The following ATP2B2 variants were observed in gnomAD, a reference collection of about 807,000 sequenced individuals.
ATP2B2 encodes plasma membrane calcium-transporting ATPase 2.
Under a neutral mutation model 120.0 loss-of-function variants are expected in ATP2B2, and 15 were observed. The observed-to-expected ratio is 0.12, with a 90% CI of 0.08 to 0.19. The LOEUF is 0.19. Ranked by LOEUF, ATP2B2 falls within the 10% of genes least tolerant of loss-of-function variation. The pLI is 1.00. For synonymous variants in ATP2B2, 694 were observed against 700.3 expected (o/e 0.99, Z 0.14); for missense variants, 1,045 against 1,719.8 (o/e 0.61, Z 6.94).
At chr3:10,672,923 G>A (rs1447178943) in intron 1 of ATP2B2, among the ~76,000 whole-genome samples, 1 of 152,172 alleles carries the variant, frequency 6.6e-6, no homozygotes, top group African/African-American at 2.4e-5. Context: ...GGGAAAGGAT[G>A]CTCCCAGAAC....
At chr3:10,541,267 C>T (rs1472319233) in intron 2 of ATP2B2, among the ~76,000 whole-genome samples, 1 of 152,020 alleles carries the variant, frequency 6.6e-6, no homozygotes, top group Admixed American at 6.6e-5. Context: ...TCAACTTTAT[C>T]GATTTCTACT....
chr3:10,628,755 A>G (rs545103226), intron 1 of ATP2B2, among the ~76,000 whole-genome samples: 3 of 152,326 alleles, frequency 2.0e-5, no homozygotes, highest in Middle Eastern at 3.4e-3. Context: ...GACTGTGGTT[A>G]TACAGTTGAT....
intron 2 of ATP2B2, among the ~76,000 whole-genome samples, chr3:10,611,878 A>T (rs1207273427): frequency 1.3e-5 from 2 of 152,164 alleles, no homozygotes; most frequent in Non-Finnish European, 2.9e-5. Flanking sequence ...AGGAGAATGC[A>T]TTTCAGGGGC....
In ATP2B2 at chr3:10,375,420, C is replaced by T. The variant is rs1311207892; in HGVS notation, c.1416+10G>A. On this transcript the variant is annotated intron_variant, in intron 11 of 22. Transcript: ENST00000360273. The surrounding 1 kb of genome is among the most constrained non-coding windows in gnomAD (Gnocchi z 4.2). ...ATCAGCCGGCTGGTCCTGCTCTCCTCCCCTCTCACCTTCACCGAATAGGCC... is the reference window on the plus strand; with the variant it reads ...ATCAGCCGGCTGGTCCTGCTCTCCTTCCCTCTCACCTTCACCGAATAGGCC... The T allele has an allele frequency of 5.6e-6, 9 of 1,608,104 alleles. No individual in the cohort carries two copies. In the East Asian group the frequency reaches 1.3e-4, roughly 24 times the overall value.
intron 1 of ATP2B2, among the ~76,000 whole-genome samples, chr3:10,704,846 A>G (rs896050175): frequency 2.6e-5 from 4 of 152,228 alleles, no homozygotes; most frequent in African/African-American, 7.2e-5. Flanking sequence ...GGGGAGATAC[A>G]AAGAAGATGG....
At position 10,392,276 on chromosome 3, in the gene ATP2B2, A is replaced by G. The variant is rs1253171401; in HGVS notation, c.782-3874T>C. Among the ~76,000 whole-genome samples, 6 of 152,138 alleles carry G rather than the reference A, an allele frequency of 3.9e-5. No homozygotes were observed. In the South Asian group the frequency reaches 1.0e-3, roughly 26 times the overall value. On this transcript the variant is annotated intron_variant, in intron 5 of 22. Coordinates refer to ENST00000360273, the MANE Select transcript of ATP2B2 (RefSeq NM_001001331.4). ...ATTACATTTATAATTGGGAATACCA[A>G]TGTCCCTAATAAATCATCTTTATGT...
intron 2 of ATP2B2, among the ~76,000 whole-genome samples, chr3:10,552,390 C>T (rs1329686866): frequency 1.3e-5 from 2 of 152,258 alleles, no homozygotes; most frequent in Non-Finnish European, 1.5e-5. Context: ...AAGGTGGCAG[C>T]GTCCTGCCTT....
intron 3 of ATP2B2, among the ~76,000 whole-genome samples, chr3:10,513,171 C>T (rs200581269): frequency 1.3e-5 from 2 of 151,834 alleles, no homozygotes; most frequent in Admixed American, 6.6e-5. Context: ...CAGGAGGCCC[C>T]GGTGTCTCTG....
intron 2 of ATP2B2, among the ~76,000 whole-genome samples, chr3:10,534,386 T>C (rs2067268544): frequency 6.6e-6 from 1 of 152,222 alleles, no homozygotes; most frequent in South Asian, 2.1e-4. Context: ...CTCTGTCTGA[T>C]ACTGGGAAGG....
intron 14 of ATP2B2, among the ~76,000 whole-genome samples, chr3:10,357,120 C>T (rs1350945563): frequency 6.6e-6 from 1 of 152,128 alleles, no homozygotes; most frequent in Non-Finnish European, 1.5e-5. Flanking sequence ...TGTTACGTGT[C>T]CCTGGATCTA....
intron 2 of ATP2B2, among the ~76,000 whole-genome samples, chr3:10,427,093 C>T (rs757520237): frequency 9.2e-5 from 14 of 152,184 alleles, no homozygotes; most frequent in Non-Finnish European, 2.1e-4. Flanking sequence ...CAAGGCCGCA[C>T]ATCTAAACTT....
At chr3:10,511,977 G>A (rs1203807416) in intron 3 of ATP2B2, among the ~76,000 whole-genome samples, 1 of 152,180 alleles carries the variant, frequency 6.6e-6, no homozygotes, top group African/African-American at 2.4e-5. Context: ...ATCCAGGAAT[G>A]TCAGAAGAGG....
chr3:10,600,562 T>A (rs185291763), intron 2 of ATP2B2, among the ~76,000 whole-genome samples: 43 of 152,352 alleles, frequency 2.8e-4, no homozygotes, highest in African/African-American at 1.0e-3. Flanking sequence ...CGGCGAGAAC[T>A]GGCTCTGCTT....
At chr3:10,693,244 A>G (rs1253321221) in intron 1 of ATP2B2, among the ~76,000 whole-genome samples, 1 of 152,220 alleles carries the variant, frequency 6.6e-6, no homozygotes, top group East Asian at 1.9e-4. Flanking sequence ...GTATTTTTAA[A>G]GTCATGGATA....
intron 1 of ATP2B2, among the ~76,000 whole-genome samples, chr3:10,645,242 G>T (rs572774853): frequency 1.3e-5 from 2 of 152,210 alleles, no homozygotes; most frequent in East Asian, 3.9e-4. Flanking sequence ...TAAGTAAAAA[G>T]TTAAAAATAA....
chr3:10,533,078 A>G (rs1421839255), intron 3 of ATP2B2, among the ~76,000 whole-genome samples: 3 of 152,180 alleles, frequency 2.0e-5, no homozygotes, highest in Non-Finnish European at 4.4e-5. Context: ...GATCTCTTAC[A>G]TGTTGGGTCC....
At chr3:10,449,220 A>C in intron 2 of ATP2B2, 125 bp downstream of exon 2, 4 of 1,102,574 alleles carry the variant, frequency 3.6e-6, no homozygotes, top group Non-Finnish European at 5.3e-6. Context: ...TACAATGGCC[A>C]TTCTGGCATT....
At chr3:10,659,444 C>A (rs2070723390) in intron 1 of ATP2B2, among the ~76,000 whole-genome samples, 2 of 152,246 alleles carry the variant, frequency 1.3e-5, no homozygotes, top group South Asian at 4.1e-4. Context: ...GGGTTGCAAT[C>A]CTAGTCTCTG....
intron 1 of ATP2B2, among the ~76,000 whole-genome samples, chr3:10,655,296 C>T (rs1010552963): frequency 6.6e-6 from 1 of 152,220 alleles, no homozygotes; most frequent in African/African-American, 2.4e-5. Flanking sequence ...CCTGTTAAGA[C>T]AGCTGTGCCT....
Sources: allele counts gnomAD v4.1 joint callset (sites outside exome capture counted in the v4.1 genomes callset), GRCh38; gene constraint gnomAD v4.1.1; non-coding constraint Gnocchi (gnomAD v3.1); transcripts MANE v1.5; gene names NCBI Gene and HGNC (gene_info 2026-07-23, HGNC 2026-07-21).